SLC22A8: variants seen among roughly 807,000 people sequenced by gnomAD.
SLC22A8 encodes organic anion transporter 3.
A neutral mutation model predicts 48.4 loss-of-function variants in SLC22A8; 40 were observed. The ratio of observed to expected loss-of-function variants is 0.83; its 90% CI spans 0.64 to 1.08. SLC22A8 has a LOEUF of 1.08. SLC22A8 is among the 50% of genes least tolerant of loss of function. The pLI, the probability that SLC22A8 is intolerant of heterozygous loss-of-function variation, is 0.00. For missense variants in SLC22A8, 606 were observed against 699.0 expected (o/e 0.87, Z 1.50); for synonymous variants, 268 against 286.3 (o/e 0.94, Z 0.65).
chr11:62,997,522 A>G (rs936287789), intron 5 of SLC22A8, among the ~76,000 whole-genome samples: 1 of 152,088 alleles, frequency 6.6e-6, no homozygotes, highest in African/African-American at 2.4e-5. Flanking sequence ...GCACCCAGCC[A>G]CCTAGAAAAA....
chr11:63,000,408 C>T (rs372547148), intron 3 of SLC22A8, among the ~76,000 whole-genome samples: 4 of 148,846 alleles, frequency 2.7e-5, no homozygotes, highest in Admixed American at 1.3e-4. Flanking sequence ...CACTTGAATC[C>T]GGGAGGTGGA....
At chr11:62,999,539 T>G in intron 4 of SLC22A8, 149 bp downstream of exon 4, 1 of 571,030 alleles carries the variant, frequency 1.8e-6, no homozygotes, top group Non-Finnish European at 3.0e-6. Context: ...ATTTTTAAAT[T>G]TAAGTGAGGC....
chr11:63,000,464 A>G (rs1229914627), intron 3 of SLC22A8, among the ~76,000 whole-genome samples: 1 of 150,272 alleles, frequency 6.7e-6, no homozygotes, highest in Non-Finnish European at 1.5e-5. Context: ...AGCCTGGGCA[A>G]TAAGAGTGAG....
chr11:63,012,325 T>A (rs192830311), intron 2 of SLC22A8, among the ~76,000 whole-genome samples: 1 of 151,954 alleles, frequency 6.6e-6, no homozygotes. Flanking sequence ...CATTTGACCC[T>A]CCTTCCCCGC....
intron 5 of SLC22A8, among the ~76,000 whole-genome samples, chr11:62,998,330 T>C (rs2135123199): frequency 6.6e-6 from 1 of 152,310 alleles, no homozygotes; most frequent in East Asian, 1.9e-4. Context: ...ATGAGCTCTC[T>C]GCCCACTCTG....
Position 62,995,790 on chromosome 11 carries a change from G to T in SLC22A8, c.915C>A (p.Ile305=), listed in dbSNP as rs2086410151. The T allele has an allele frequency of 1.9e-6, 3 of 1,614,056 alleles. No individual in the cohort carries two copies. In the African/African-American group the frequency reaches 4.0e-5, roughly 22 times the overall value. The stretch of plus-strand genomic sequence containing the variant: ...CGGTGTACTTGGCCTTGGCCAAGGA[G>T]ATCTCCTTCTGCAGGTTGAGTTTGA... ...EELKLNLQKE[I]SLAKAKYTAS... is the part of the protein sequence containing the mutation. Residue 305 remains isoleucine, a synonymous_variant, in exon 7 of 11, where the codon ATC becomes ATA. Coordinates refer to ENST00000336232, the MANE Select transcript of SLC22A8 (RefSeq NM_004254.4).
At chr11:63,012,947 C>A (rs1048986157) in intron 2 of SLC22A8, among the ~76,000 whole-genome samples, 2 of 152,068 alleles carry the variant, frequency 1.3e-5, no homozygotes, top group African/African-American at 4.8e-5. Flanking sequence ...GAGATATAAT[C>A]TAGGTATATG....
At position 62,993,326 on chromosome 11, in the gene SLC22A8, C is replaced by T. The variant is rs2086366066; in HGVS notation, c.1540G>A (p.Ala514Thr). 2 of 1,613,816 alleles carry T rather than the reference C, an allele frequency of 1.2e-6. No individual in the cohort carries two copies. The highest frequency in any genetic ancestry group is 2.2e-5 in the South Asian group (2 of 91,064). Reference protein sequence around the residue: ...IEDLENWSLRAKKPKQEPEVE... With the variant: ...IEDLENWSLRTKKPKQEPEVE... ...TCTGGCTCCTGCTTTGGCTTCTTTG[C>T]CCGCAGGGACCTAGGGACAGAGAGC... Residue 514 changes from alanine to threonine, a missense_variant, in exon 11 of 11, where the codon GCA becomes ACA. Physicochemically the swap from Ala to Thr is moderately conservative, Grantham distance 58. Coordinates refer to ENST00000336232, the MANE Select transcript of SLC22A8 (RefSeq NM_004254.4).
chr11:62,995,244 A>G, intron 7 of SLC22A8: 1 of 240,114 alleles, frequency 4.2e-6, no homozygotes, highest in Non-Finnish European at 8.2e-6. Flanking sequence ...AAACCAGGTC[A>G]CAGAAAGGGC....
intron 7 of SLC22A8, 26 bp downstream of exon 7, chr11:62,995,678 G>T (rs1565294460): frequency 1.3e-6 from 2 of 1,534,070 alleles, no homozygotes; most frequent in African/African-American, 1.4e-5. Flanking sequence ...TCCTTGGCAG[G>T]GTGTGGGCAG....
At chr11:62,993,984 T>G (rs1312827822) in intron 8 of SLC22A8, 106 bp from the exon 9 acceptor site, 1 of 733,656 alleles carries the variant, frequency 1.4e-6, no homozygotes, top group Non-Finnish European at 2.5e-6. Context: ...TCCAAGAAGC[T>G]CAGATCCAAA....
intron 2 of SLC22A8, among the ~76,000 whole-genome samples, chr11:63,009,807 C>G (rs780632222): frequency 6.6e-6 from 1 of 152,116 alleles, no homozygotes; most frequent in Non-Finnish European, 1.5e-5. Context: ...CCTCTTGCCC[C>G]CTCCAAGAGG....
chr11:63,006,600 T>TTTTTG (rs2086558381), intron 2 of SLC22A8, among the ~76,000 whole-genome samples: 1 of 82,818 alleles, frequency 1.2e-5, no homozygotes, highest in Non-Finnish European at 2.2e-5. Context: ...TTTGAGTTTT[T>TTTTTG]TTTTTTTTTT....
intron 2 of SLC22A8, among the ~76,000 whole-genome samples, chr11:63,005,764 G>T (rs571603999): frequency 6.6e-6 from 1 of 152,292 alleles, no homozygotes; most frequent in Non-Finnish European, 1.5e-5. Context: ...GGCAAGGAAG[G>T]ATTCTTCCCT....
intron 2 of SLC22A8, among the ~76,000 whole-genome samples, chr11:63,014,212 C>T (rs890606071): frequency 1.1e-4 from 16 of 152,190 alleles, no homozygotes; most frequent in African/African-American, 2.7e-4. Flanking sequence ...CCATTCCCCA[C>T]GCCCTCACTC....
Position 62,998,951 on chromosome 11 carries a change from A to G in SLC22A8, c.731T>C (p.Ile244Thr), listed in dbSNP as rs1328249403. 1.4e-5 allele frequency: 22 copies of G among 1,613,212 alleles called. 1 individual carries two copies. The Admixed American group carries it at 2.8e-4, about 21-fold the overall frequency. ...TGATAGGAAGAAGACGAAGAAGGGA[A>G]TGGACACAGTTAACTGCAGCCAACG... ...QWRWLQLTVSIPFFVFFLSSW... is the reference protein window; with the variant it reads ...QWRWLQLTVSTPFFVFFLSSW... The change falls in exon 5 of 11, where the codon ATT becomes ACT. Residue 244 changes from isoleucine (I) to threonine (T), a missense_variant. Ile to Thr is a moderately conservative substitution (Grantham distance 89). Coordinates refer to ENST00000336232, the MANE Select transcript of SLC22A8 (RefSeq NM_004254.4).
chr11:63,007,631 T>A (rs2086571016), intron 2 of SLC22A8, among the ~76,000 whole-genome samples: 1 of 152,186 alleles, frequency 6.6e-6, no homozygotes, highest in Non-Finnish European at 1.5e-5. Flanking sequence ...CTGGCCTAGT[T>A]CAGTGTTCTT....
intron 2 of SLC22A8, among the ~76,000 whole-genome samples, chr11:63,013,416 G>A (rs1395002712): frequency 1.3e-5 from 2 of 152,154 alleles, no homozygotes; most frequent in Non-Finnish European, 2.9e-5. Flanking sequence ...CTTGGCACCA[G>A]GTAAGGGCTT....
intron 2 of SLC22A8, among the ~76,000 whole-genome samples, chr11:63,011,066 T>G (rs1336012808): frequency 6.6e-6 from 1 of 152,166 alleles, no homozygotes; most frequent in Non-Finnish European, 1.5e-5. Flanking sequence ...GAGAAGCTAC[T>G]AAAGGCAGGG....
Sources: allele counts gnomAD v4.1 joint callset (sites outside exome capture counted in the v4.1 genomes callset), GRCh38; gene constraint gnomAD v4.1.1; transcripts MANE v1.5; gene names NCBI Gene and HGNC (gene_info 2026-07-23, HGNC 2026-07-21).